The following SNTG2 variants were observed in gnomAD, a reference collection of about 807,000 sequenced individuals.
SNTG2 encodes gamma-2-syntrophin.
A neutral mutation model predicts 70.9 loss-of-function variants in SNTG2; 74 were observed. The ratio of observed to expected loss-of-function variants is 1.04; its 90% confidence interval spans 0.86 to 1.27. The LOEUF (loss-of-function observed/expected upper bound fraction) is 1.27, where lower values mean the gene tolerates loss of function less well. Ranked by LOEUF, SNTG2 falls within the 50% of genes most tolerant of loss-of-function variation. SNTG2 has a pLI of 0.00. For synonymous variants in SNTG2, 278 were observed against 273.8 expected (o/e 1.02, Z -0.15); for missense variants, 717 against 690.7 (o/e 1.04, Z -0.43).
intron 8 of SNTG2, among the ~76,000 whole-genome samples, chr2:1,193,298 G>A (rs936644825): frequency 4.6e-5 from 7 of 152,166 alleles, no homozygotes; most frequent in African/African-American, 1.7e-4. Flanking sequence ...GTGGACAACT[G>A]GGGAGGCTCT....
intron 14 of SNTG2, among the ~76,000 whole-genome samples, chr2:1,300,236 G>T (rs1401741555): frequency 6.6e-6 from 1 of 152,230 alleles, no homozygotes; most frequent in Admixed American, 6.5e-5. Context: ...TGCAAGAAGG[G>T]TGCTTTAAAT....
intron 2 of SNTG2, among the ~76,000 whole-genome samples, chr2:1,091,544 G>T (rs1013985047): frequency 6.6e-6 from 1 of 152,124 alleles, no homozygotes; most frequent in African/African-American, 2.4e-5. Flanking sequence ...AGCTCCCAGA[G>T]ACCCCAGTGC....
At chr2:1,155,133 AACAC>A (rs1161446260) in intron 6 of SNTG2, among the ~76,000 whole-genome samples, 5 of 133,464 alleles carry the variant, frequency 3.7e-5, no homozygotes, top group African/African-American at 1.3e-4. Context: ...ATACAACACA[AACAC>A]ACAGACACAC....
In SNTG2 at chr2:1,239,740, G is replaced by C. The variant is rs76654748; in HGVS notation, c.852G>C (p.Met284Ile). The change falls in exon 11 of 17, where the codon ATG becomes ATC. Residue 284 changes from methionine to isoleucine, a missense_variant and splice_region_variant. By Grantham distance (10) the Met-to-Ile change is conservative. Coordinates refer to ENST00000308624, the MANE Select transcript of SNTG2 (RefSeq NM_018968.4). ...ACTCTTCTGCCTTCTCTCCACAGATGAAGATGGCGAACAAATGCTGCTCTC... is the reference window on the plus strand; with the variant it reads ...ACTCTTCTGCCTTCTCTCCACAGATCAAGATGGCGAACAAATGCTGCTCTC... ...ANIRELTLQN[M>I]KMANKCCSPS... 1.3e-4 allele frequency: 206 copies of C among 1,613,394 alleles called. 1 individual carries two copies. In the East Asian group the frequency reaches 4.5e-3, roughly 35 times the overall value.
rs79639516 is a variant in SNTG2, at chr2:1,306,685, A to T, written c.1285-1809A>T. Among the ~76,000 whole-genome samples the T allele has an allele frequency of 8.0e-5, 12 of 149,110 alleles. 1 individual carries two copies. In the East Asian group the frequency reaches 1.0e-3, roughly 13 times the overall value. ...TCCAGCCTCCCTCGGCCAGGGTGTG[A>T]GTGTGTGTGTGTGTGTGTGTGTGTG... On this transcript the variant is annotated intron_variant, in intron 14 of 16. Transcript: ENST00000308624.
chr2:1,088,413 G>A (rs142880748), intron 2 of SNTG2, among the ~76,000 whole-genome samples: 1 of 151,976 alleles, frequency 6.6e-6, no homozygotes, highest in Non-Finnish European at 1.5e-5. Context: ...GTCCCACTCC[G>A]CCTGGCACCC....
intron 16 of SNTG2, among the ~76,000 whole-genome samples, chr2:1,365,777 A>G (rs1439569217): frequency 6.6e-6 from 1 of 152,220 alleles, no homozygotes; most frequent in Non-Finnish European, 1.5e-5. Context: ...AAAGGCATGC[A>G]GAGAGGACCA....
chr2:1,080,546 A>G (rs28477657), intron 1 of SNTG2, among the ~76,000 whole-genome samples: 30,341 of 149,482 alleles, frequency 0.2, 3,142 homozygotes, highest in Admixed American at 0.26. Flanking sequence ...GTGTGTGTGC[A>G]TGCATCCCTG....
At chr2:1,291,098 A>G (rs776207987) in intron 14 of SNTG2, among the ~76,000 whole-genome samples, 7 of 152,152 alleles carry the variant, frequency 4.6e-5, no homozygotes, top group African/African-American at 2.4e-5. Context: ...TGTTTCTCTA[A>G]TCACTGGTGA....
In SNTG2 at chr2:1,316,378, A is replaced by G; in HGVS notation, c.1488+3A>G. On this transcript the variant is annotated splice_donor_region_variant and intron_variant, in intron 16 of 16. Transcript: ENST00000308624. Reference sequence around the variant, plus strand: ...ACACCAAACAGATTGAGACGAAGGTATGCGGCATGGGGCATGGGTTATTCT... The same window carrying G: ...ACACCAAACAGATTGAGACGAAGGTGTGCGGCATGGGGCATGGGTTATTCT... The G allele has an allele frequency of 6.8e-7, 1 of 1,461,754 alleles. No homozygotes were observed. Among genetic ancestry groups the G allele is most frequent in the Non-Finnish European group, 9.4e-7 (1 of 1,065,594 alleles). 90.5% of individuals were successfully genotyped at this position (1,461,754 alleles called of 1,614,324 possible). A position where few individuals can be genotyped will look rare whatever the true frequency, so the allele number is the denominator to read the frequency against.
At chr2:1,054,352 A>G (rs1662258867) in intron 1 of SNTG2, among the ~76,000 whole-genome samples, 1 of 152,138 alleles carries the variant, frequency 6.6e-6, no homozygotes, top group Admixed American at 6.5e-5. Context: ...CTTCGTGCCA[A>G]GGAATTGGTT....
intron 4 of SNTG2, among the ~76,000 whole-genome samples, chr2:1,109,142 A>G (rs915644123): frequency 6.6e-6 from 1 of 152,066 alleles, no homozygotes; most frequent in African/African-American, 2.4e-5. Flanking sequence ...CAGCTTCATC[A>G]TGACATGTCA....
chr2:1,309,446 G>A (rs547916576), intron 15 of SNTG2, among the ~76,000 whole-genome samples: 1 of 152,340 alleles, frequency 6.6e-6, no homozygotes, highest in South Asian at 2.1e-4. Context: ...TCCTAGGCAG[G>A]GTCTCCCAAA....
chr2:1,313,980 A>G (rs1036334454), intron 15 of SNTG2, among the ~76,000 whole-genome samples: 7 of 152,234 alleles, frequency 4.6e-5, no homozygotes, highest in Admixed American at 1.3e-4. Flanking sequence ...GACAATAATC[A>G]TATACCTAAA....
chr2:1,098,150 G>A, intron 2 of SNTG2, 46 bp from the exon 3 acceptor site: 2 of 1,584,436 alleles, frequency 1.3e-6, no homozygotes, highest in Non-Finnish European at 1.7e-6. Flanking sequence ...CTTTCTGATA[G>A]TGCATTTTAA....
intron 16 of SNTG2, among the ~76,000 whole-genome samples, chr2:1,335,671 A>G (rs1659782728): frequency 6.6e-6 from 1 of 152,050 alleles, no homozygotes; most frequent in Non-Finnish European, 1.5e-5. Flanking sequence ...AAATCTAGAC[A>G]TGTACTTCAG....
intron 1 of SNTG2, among the ~76,000 whole-genome samples, chr2:1,081,269 G>GT (rs778588516): frequency 1.1e-4 from 16 of 152,230 alleles, no homozygotes; most frequent in Non-Finnish European, 1.6e-4. Flanking sequence ...GCGCCCGTGT[G>GT]TGAGAGTAAA....
At chr2:1,122,722 CAA>C (rs60163290) in intron 4 of SNTG2, among the ~76,000 whole-genome samples, 13,617 of 120,696 alleles carry the variant, frequency 0.11, 358 homozygotes, top group Admixed American at 0.14. Flanking sequence ...AGCAATCAGA[CAA>C]AAAAAAAAAA....
intron 6 of SNTG2, among the ~76,000 whole-genome samples, chr2:1,149,512 C>G (rs1210095401): frequency 3.9e-5 from 6 of 152,074 alleles, no homozygotes; most frequent in Non-Finnish European, 7.4e-5. Flanking sequence ...TTACCAAGAC[C>G]TCTGTGGGTT....
Sources: allele counts gnomAD v4.1 joint callset (sites outside exome capture counted in the v4.1 genomes callset), GRCh38; gene constraint gnomAD v4.1.1; transcripts MANE v1.5; gene names NCBI Gene and HGNC (gene_info 2026-07-23, HGNC 2026-07-21).